CNTN5: variants seen among roughly 807,000 people sequenced by gnomAD.
CNTN5 encodes contactin 5, also known as contactin-5.
In CNTN5, 77 loss-of-function variants were observed where a neutral mutation model predicts 129.1. The observed-to-expected ratio is 0.60, with a 90% CI of 0.50 to 0.72. The LOEUF is 0.72. CNTN5 is among the 30% of genes least tolerant of loss of function. The probability of loss-of-function intolerance (pLI) is 0.00; values close to 1 mark genes in which losing one functional copy is unlikely to be tolerated. For missense variants in CNTN5, 1,478 were observed against 1,328.8 expected (o/e 1.11, Z -1.75); for synonymous variants, 509 against 465.6 (o/e 1.09, Z -1.20).
intron 3 of CNTN5, among the ~76,000 whole-genome samples, chr11:99,750,427 C>G (rs1387703467): frequency 1.3e-5 from 2 of 151,996 alleles, no homozygotes; most frequent in African/African-American, 2.4e-5. Context: ...AATATTGTAA[C>G]TACATCAGAT....
At chr11:99,761,545 T>A (rs370806324) in intron 3 of CNTN5, among the ~76,000 whole-genome samples, 5,263 of 151,764 alleles carry the variant, frequency 0.035, 132 homozygotes, top group South Asian at 0.096. Flanking sequence ...GATAGTTTAC[T>A]GAGAATGATG....
chr11:100,127,853 G>A (rs1946245732), intron 13 of CNTN5, among the ~76,000 whole-genome samples: 1 of 151,546 alleles, frequency 6.6e-6, no homozygotes, highest in Non-Finnish European at 1.5e-5. Flanking sequence ...TAAAGACAAA[G>A]TTTCACCATC....
chr11:99,260,151 G>T (rs900511055), intron 1 of CNTN5, among the ~76,000 whole-genome samples: 1 of 151,266 alleles, frequency 6.6e-6, no homozygotes, highest in Admixed American at 6.6e-5. Flanking sequence ...GTAACATCTG[G>T]GATTCCTATT....
chr11:99,506,557 A>C (rs76710944), intron 2 of CNTN5, among the ~76,000 whole-genome samples: 13,189 of 152,162 alleles, frequency 0.087, 591 homozygotes, highest in South Asian at 0.15. Context: ...CATTGCAAAC[A>C]ATGAGTAAAT....
At chr11:100,202,909 C>T (rs531469731) in intron 15 of CNTN5, among the ~76,000 whole-genome samples, 19 of 152,048 alleles carry the variant, frequency 1.2e-4, no homozygotes, top group African/African-American at 1.9e-4. Flanking sequence ...TTGCCATGAA[C>T]GATGTTCCAA....
At chr11:100,098,403 T>C (rs1591239737) in intron 13 of CNTN5, among the ~76,000 whole-genome samples, 1 of 152,060 alleles carries the variant, frequency 6.6e-6, no homozygotes, top group Non-Finnish European at 1.5e-5. Flanking sequence ...GATATGATAA[T>C]TTCAATAATA....
chr11:99,560,919 G>T (rs141913092), intron 3 of CNTN5, among the ~76,000 whole-genome samples: 12 of 151,870 alleles, frequency 7.9e-5, no homozygotes, highest in South Asian at 2.1e-4. Flanking sequence ...TGTTTGGGTG[G>T]GTGTGTGTAT....
intron 3 of CNTN5, among the ~76,000 whole-genome samples, chr11:99,748,782 C>G (rs899254035): frequency 6.6e-6 from 1 of 152,174 alleles, no homozygotes. Context: ...TATCCAGGTC[C>G]TCAATGGCCT....
intron 8 of CNTN5, among the ~76,000 whole-genome samples, chr11:99,964,875 T>C (rs993946982): frequency 8.5e-5 from 13 of 152,314 alleles, no homozygotes; most frequent in African/African-American, 2.6e-4. Context: ...AACTTCTTCC[T>C]GGTTTAGTCT....
At chr11:100,096,228 G>A (rs1025895081) in intron 13 of CNTN5, among the ~76,000 whole-genome samples, 10 of 152,024 alleles carry the variant, frequency 6.6e-5, no homozygotes, top group African/African-American at 2.4e-4. Flanking sequence ...TTTGCTTGAC[G>A]TGTAGTCCCA....
chr11:99,091,201 G>C (rs140705973), intron 1 of CNTN5, among the ~76,000 whole-genome samples: 1 of 151,986 alleles, frequency 6.6e-6, no homozygotes, highest in African/African-American at 2.4e-5. Flanking sequence ...TACCACTTGC[G>C]GTCCTGTTAC....
intron 1 of CNTN5, among the ~76,000 whole-genome samples, chr11:99,260,379 T>C (rs1176340016): frequency 6.6e-6 from 1 of 151,806 alleles, no homozygotes; most frequent in Non-Finnish European, 1.5e-5. Context: ...TTTAGAACTT[T>C]CTTTAAGAAA....
chr11:99,820,271 A>G (rs1946755680), intron 4 of CNTN5, among the ~76,000 whole-genome samples: 1 of 152,294 alleles, frequency 6.6e-6, no homozygotes, highest in South Asian at 2.1e-4. Flanking sequence ...AAAAATAGAC[A>G]TTTTTGGAAG....
At chr11:99,392,199 CAATAAAT>C (rs1196328161) in intron 2 of CNTN5, among the ~76,000 whole-genome samples, 1 of 150,490 alleles carries the variant, frequency 6.6e-6, no homozygotes, top group East Asian at 1.9e-4. Flanking sequence ...TATTTGTACT[CAATAAAT>C]AATAAAATAA....
intron 1 of CNTN5, among the ~76,000 whole-genome samples, chr11:99,171,651 A>C (rs560041984): frequency 2.0e-5 from 3 of 152,188 alleles, no homozygotes; most frequent in Non-Finnish European, 4.4e-5. Flanking sequence ...ATGCCTACTG[A>C]ATCAGAACTT....
At chr11:99,912,441 T>C (rs563849592) in intron 6 of CNTN5, among the ~76,000 whole-genome samples, 28 of 152,004 alleles carry the variant, frequency 1.8e-4, no homozygotes, top group Admixed American at 1.1e-3. Context: ...TTCATTTATA[T>C]ATGTATATCC....
intron 3 of CNTN5, among the ~76,000 whole-genome samples, chr11:99,721,317 G>C (rs1046445379): frequency 2.6e-5 from 4 of 151,972 alleles, no homozygotes; most frequent in Admixed American, 6.6e-5. Flanking sequence ...AAATAGACCA[G>C]AAATAAGGCC....
At chr11:99,176,060 C>A (rs1395269238) in intron 1 of CNTN5, among the ~76,000 whole-genome samples, 4 of 152,180 alleles carry the variant, frequency 2.6e-5, no homozygotes, top group African/African-American at 9.7e-5. Context: ...TTTGCTCTTG[C>A]AAGGTTCCCA....
At chr11:100,298,345 G>A (rs948454288) in intron 19 of CNTN5, among the ~76,000 whole-genome samples, 2 of 150,916 alleles carry the variant, frequency 1.3e-5, no homozygotes, top group Non-Finnish European at 3.0e-5. Context: ...TTTTTTTGAT[G>A]TCTACAGAGG....
Sources: gnomAD v4.1 joint callset for allele counts (sites outside exome capture counted in the v4.1 genomes callset) on GRCh38, gnomAD v4.1.1 for gene constraint, MANE v1.5 for transcripts, NCBI Gene and HGNC (gene_info 2026-07-23, HGNC 2026-07-21) for gene names.